Variants in STXBP5L observed in about 807,000 individuals in gnomAD.
STXBP5L encodes the protein syntaxin binding protein 5L.
A neutral mutation model predicts 144.5 loss-of-function variants in STXBP5L; 65 were observed. The ratio of observed to expected loss-of-function variants is 0.45; its 90% CI spans 0.37 to 0.55. The LOEUF (loss-of-function observed/expected upper bound fraction) is 0.55. STXBP5L is among the 20% of genes least tolerant of loss of function. The probability of loss-of-function intolerance (pLI) is 0.00; values close to 1 mark genes in which losing one functional copy is unlikely to be tolerated. For synonymous variants in STXBP5L, 505 were observed against 469.6 expected (o/e 1.08, Z -0.97); for missense variants, 1,298 against 1,405.5 (o/e 0.92, Z 1.22).
At chr3:121,131,298 A>G (rs2044978065) in intron 7 of STXBP5L, among the ~76,000 whole-genome samples, 1 of 152,130 alleles carries the variant, frequency 6.6e-6, no homozygotes, top group Admixed American at 6.6e-5. Flanking sequence ...TAAAATGGGT[A>G]ATCCCATAGG....
chr3:121,200,829 T>G (rs1053976648), intron 9 of STXBP5L, among the ~76,000 whole-genome samples: 5 of 152,256 alleles, frequency 3.3e-5, no homozygotes, highest in African/African-American at 1.2e-4. Flanking sequence ...CTAATTTGAT[T>G]GCACTGTGGT....
intron 3 of STXBP5L, among the ~76,000 whole-genome samples, chr3:121,022,244 C>T (rs947396377): frequency 6.6e-6 from 1 of 151,742 alleles, no homozygotes; most frequent in Non-Finnish European, 1.5e-5. Context: ...TAAACAGACT[C>T]TAAATAGTAA....
chr3:121,413,367 T>A, intron 24 of STXBP5L, 44 bp downstream of exon 24: 1 of 1,455,872 alleles, frequency 6.9e-7, no homozygotes, highest in Non-Finnish European at 9.1e-7. Context: ...TGGACATGGT[T>A]GAGAGAATGA....
chr3:121,044,470 T>C (rs921363232), intron 4 of STXBP5L, among the ~76,000 whole-genome samples: 1 of 152,144 alleles, frequency 6.6e-6, no homozygotes, highest in Non-Finnish European at 1.5e-5. Context: ...ATTGATACTG[T>C]AAACTATGAG....
At chr3:121,102,137 C>G (rs553215203) in intron 5 of STXBP5L, among the ~76,000 whole-genome samples, 1 of 152,098 alleles carries the variant, frequency 6.6e-6, no homozygotes, top group South Asian at 2.1e-4. Flanking sequence ...CCATACTTCC[C>G]AAAGCAATGT....
At chr3:121,330,795 C>A (rs539197807) in intron 20 of STXBP5L, among the ~76,000 whole-genome samples, 24 of 152,186 alleles carry the variant, frequency 1.6e-4, no homozygotes, top group Non-Finnish European at 3.1e-4. Context: ...CCCTGGCCAA[C>A]GGAGAGATCC....
intron 11 of STXBP5L, among the ~76,000 whole-genome samples, chr3:121,225,286 G>A (rs1266423771): frequency 1.3e-5 from 2 of 152,006 alleles, no homozygotes; most frequent in South Asian, 2.1e-4. Flanking sequence ...ATTATCATTG[G>A]TGTTGGATTG....
At chr3:121,194,909 CTTTTTTTTTTTT>C (rs10717806) in intron 9 of STXBP5L, among the ~76,000 whole-genome samples, 1 of 68,480 alleles carries the variant, frequency 1.5e-5, no homozygotes, top group African/African-American at 6.2e-5. Flanking sequence ...TCTTTTCACT[CTTTTTTTTTTTT>C]TTTTTTTTTT....
intron 9 of STXBP5L, among the ~76,000 whole-genome samples, chr3:121,181,822 A>G (rs1244318952): frequency 1.3e-5 from 2 of 152,286 alleles, no homozygotes; most frequent in South Asian, 2.1e-4. Context: ...CACCTAACAC[A>G]TAAGGACTCA....
chr3:121,189,405 G>A (rs568094709), intron 9 of STXBP5L, among the ~76,000 whole-genome samples: 5 of 152,310 alleles, frequency 3.3e-5, no homozygotes, highest in Admixed American at 2.6e-4. Flanking sequence ...TGTATAAAGT[G>A]TAAGGAAGGG....
chr3:121,384,173 C>T (rs558949539), intron 22 of STXBP5L, among the ~76,000 whole-genome samples: 9 of 151,818 alleles, frequency 5.9e-5, no homozygotes, highest in East Asian at 1.9e-4. Flanking sequence ...TCCCTGTTTT[C>T]GGAGACTTGT....
intron 3 of STXBP5L, among the ~76,000 whole-genome samples, chr3:120,963,953 T>C (rs1185830771): frequency 1.3e-5 from 2 of 152,232 alleles, no homozygotes; most frequent in East Asian, 1.9e-4. Context: ...TTTCAGATCC[T>C]GTTATTGGTC....
chr3:120,981,297 T>A (rs9871403), intron 3 of STXBP5L, among the ~76,000 whole-genome samples: 33,422 of 152,046 alleles, frequency 0.22, 3,972 homozygotes, highest in Admixed American at 0.31. Flanking sequence ...TCAATTTTTT[T>A]AATACTTTTT....
At chr3:121,139,932 A>G (rs187168742) in intron 7 of STXBP5L, among the ~76,000 whole-genome samples, 1 of 152,228 alleles carries the variant, frequency 6.6e-6, no homozygotes, top group Admixed American at 6.5e-5. Flanking sequence ...TCAAGAGTAT[A>G]AGGGACTCAG....
chr3:121,055,669 C>T (rs1371843878), intron 5 of STXBP5L, among the ~76,000 whole-genome samples: 1 of 148,096 alleles, frequency 6.8e-6, no homozygotes, highest in Non-Finnish European at 1.5e-5. Context: ...GCTACCATAC[C>T]CAGCTATTTT....
intron 5 of STXBP5L, among the ~76,000 whole-genome samples, chr3:121,073,304 C>T (rs956004843): frequency 6.6e-6 from 1 of 152,208 alleles, no homozygotes; most frequent in African/African-American, 2.4e-5. Flanking sequence ...GGTTTTCACA[C>T]AAAAGCCCTT....
At chr3:120,985,051 A>G (rs187292961) in intron 3 of STXBP5L, among the ~76,000 whole-genome samples, 1 of 151,926 alleles carries the variant, frequency 6.6e-6, no homozygotes, top group Admixed American at 6.6e-5. Context: ...ATGCTGCTGT[A>G]TTTGGTTTGC....
chr3:121,238,923 GT>G (rs780973418), intron 12 of STXBP5L, 47 bp from the exon 13 acceptor site: 8 of 1,455,490 alleles, frequency 5.5e-6, no homozygotes, highest in Non-Finnish European at 5.5e-6. Context: ...ATTATTTTCT[GT>G]TTTTTTCTTT....
At chr3:121,223,221 A>G in intron 11 of STXBP5L, 64 bp downstream of exon 11, 4 of 1,492,360 alleles carry the variant, frequency 2.7e-6, no homozygotes, top group Non-Finnish European at 3.6e-6. Flanking sequence ...GTTTCTAACA[A>G]AATTAAGGTT....
Sources: gnomAD v4.1 joint callset for allele counts (sites outside exome capture counted in the v4.1 genomes callset) on GRCh38, gnomAD v4.1.1 for gene constraint, MANE v1.5 for transcripts, NCBI Gene and HGNC (gene_info 2026-07-23, HGNC 2026-07-21) for gene names.